RORB: variants seen among roughly 807,000 people sequenced by gnomAD.
RORB encodes the protein nuclear receptor ROR-beta.
Under a neutral mutation model 59.1 loss-of-function variants are expected in RORB, and 6 were observed. That is an observed-to-expected ratio of 0.10 (90% CI 0.06 to 0.20). The LOEUF (loss-of-function observed/expected upper bound fraction) is 0.20, where lower values mean the gene tolerates loss of function less well. Among genes scored for constraint, RORB ranks in the 10% least tolerant of loss-of-function variants. The pLI is 1.00. For synonymous variants in RORB, 215 were observed against 204.5 expected (o/e 1.05, Z -0.44); for missense variants, 320 against 560.5 (o/e 0.57, Z 4.33).
intron 9 of RORB, among the ~76,000 whole-genome samples, chr9:74,682,695 G>A (rs919398873): frequency 6.6e-5 from 10 of 152,240 alleles, no homozygotes; most frequent in Non-Finnish European, 1.0e-4. Flanking sequence ...TCTGCCTCCC[G>A]AAAAGCAGCT....
intron 1 of RORB, among the ~76,000 whole-genome samples, chr9:74,500,862 C>T (rs1317909893): frequency 6.6e-6 from 1 of 152,090 alleles, no homozygotes; most frequent in African/African-American, 2.4e-5. Context: ...TAGCCTGGGG[C>T]GGAGGAGGTT....
chr9:74,565,178 TC>T (rs1406274597), intron 1 of RORB, among the ~76,000 whole-genome samples: 1 of 152,226 alleles, frequency 6.6e-6, no homozygotes, highest in Non-Finnish European at 1.5e-5. Context: ...ATACCAGATA[TC>T]AGAATAACTC....
intron 1 of RORB, among the ~76,000 whole-genome samples, chr9:74,605,886 C>G (rs890489220): frequency 6.6e-6 from 1 of 152,104 alleles, no homozygotes; most frequent in Non-Finnish European, 1.5e-5. Flanking sequence ...AGATTGCTAT[C>G]ATGTTCATTC....
chr9:74,540,649 CT>C (rs543191007), intron 1 of RORB, among the ~76,000 whole-genome samples: 143 of 148,760 alleles, frequency 9.6e-4, no homozygotes, highest in African/African-American at 3.2e-3. Context: ...CTTTCTCATT[CT>C]TTTTTTTTTA....
intron 1 of RORB, among the ~76,000 whole-genome samples, chr9:74,547,050 C>T (rs1345095057): frequency 2.6e-5 from 4 of 152,170 alleles, no homozygotes; most frequent in African/African-American, 9.7e-5. Context: ...GCCGAGGTCA[C>T]ACCACCACAC....
intron 1 of RORB, among the ~76,000 whole-genome samples, chr9:74,532,204 G>GAAGT (rs1037101708): frequency 3.9e-5 from 6 of 151,990 alleles, no homozygotes; most frequent in Admixed American, 3.9e-4. Context: ...ATACATAAGG[G>GAAGT]AAGTGACTAA....
intron 1 of RORB, among the ~76,000 whole-genome samples, chr9:74,549,891 G>T (rs1826580360): frequency 6.6e-6 from 1 of 151,968 alleles, no homozygotes; most frequent in African/African-American, 2.4e-5. Context: ...ACTACGCCCG[G>T]CTAATCTTTT....
chr9:74,661,745 C>T (rs1010149262), intron 5 of RORB, among the ~76,000 whole-genome samples: 4 of 145,506 alleles, frequency 2.7e-5, no homozygotes, highest in South Asian at 2.2e-4. Context: ...CCCAGGTTCA[C>T]GCCATTCTCC....
intron 4 of RORB, among the ~76,000 whole-genome samples, chr9:74,654,397 GATT>G (rs1824047550): frequency 6.7e-6 from 1 of 149,874 alleles, no homozygotes; most frequent in Admixed American, 6.7e-5. Flanking sequence ...TAATTTCTAG[GATT>G]ATTTAGATAC....
intron 3 of RORB, among the ~76,000 whole-genome samples, chr9:74,641,357 C>T (rs1165048672): frequency 6.6e-6 from 1 of 152,182 alleles, no homozygotes; most frequent in African/African-American, 2.4e-5. Context: ...AGCACTTCTT[C>T]CTTCTTTTTC....
intron 1 of RORB, among the ~76,000 whole-genome samples, chr9:74,580,426 T>G (rs887443120): frequency 8.5e-5 from 13 of 152,130 alleles, no homozygotes; most frequent in African/African-American, 2.9e-4. Flanking sequence ...ATCTTGTTCC[T>G]TGATTGGGAT....
chr9:74,656,542 C>G (rs544530644), intron 4 of RORB, among the ~76,000 whole-genome samples: 1 of 152,248 alleles, frequency 6.6e-6, no homozygotes, highest in East Asian at 1.9e-4. Context: ...TCGAGAACAG[C>G]CTGGCCAACA....
At chr9:74,594,247 A>G (rs1822941123) in intron 1 of RORB, among the ~76,000 whole-genome samples, 1 of 152,216 alleles carries the variant, frequency 6.6e-6, no homozygotes, top group African/African-American at 2.4e-5. Flanking sequence ...CCTTTGCATT[A>G]TCTGCATCAG....
At chr9:74,501,497 G>T (rs1177040607) in intron 1 of RORB, among the ~76,000 whole-genome samples, 1 of 151,952 alleles carries the variant, frequency 6.6e-6, no homozygotes, top group Non-Finnish European at 1.5e-5. Flanking sequence ...AACATTGCTG[G>T]AAGGACATCT....
chr9:74,643,006 T>C (rs908605870), intron 4 of RORB, among the ~76,000 whole-genome samples, 191 bp downstream of exon 4: 6 of 152,322 alleles, frequency 3.9e-5, no homozygotes, highest in African/African-American at 1.2e-4. Context: ...TAAAAGTTTA[T>C]TTCAAGCAAA....
Position 74,688,048 on chromosome 9 carries a change from C to T in RORB, c.*2430C>T, listed in dbSNP as rs1204975216. The T allele has an allele frequency of 2.0e-5, 3 of 152,164 alleles. No homozygotes were observed. The highest frequency in any genetic ancestry group is 7.2e-5 in the African/African-American group (3 of 41,436). The allele number at this position is 152,164 out of a possible 1,614,324, so 9.4% of individuals were successfully genotyped here. A position where few individuals can be genotyped will look rare whatever the true frequency, so the allele number is the denominator to read the frequency against. Reference sequence around the variant, plus strand: ...AATTGGCTCAATTGATGAAGTGGCTCAGAATTTTTTCCTCCCTTTTCCCAT... The same window carrying T: ...AATTGGCTCAATTGATGAAGTGGCTTAGAATTTTTTCCTCCCTTTTCCCAT... On this transcript the variant is annotated 3_prime_UTR_variant, in exon 10 of 10. Coordinates refer to ENST00000376896, the MANE Select transcript of RORB (RefSeq NM_006914.4).
chr9:74,642,308 T>G lies in RORB; in HGVS notation c.236-106T>G, dbSNP rs1267702185. The G allele has an allele frequency of 1.2e-5, 13 of 1,099,406 alleles. No individual in the cohort carries two copies. In the Admixed American group the frequency reaches 2.9e-4, roughly 25 times the overall value. 68.1% of individuals were successfully genotyped at this position (1,099,406 alleles called of 1,614,324 possible). ...CTTAAGTTATGGTGCTAGACATTTGTGCATTTGAAGTTGAAGGGACAACCA... is the reference window on the plus strand; with the variant it reads ...CTTAAGTTATGGTGCTAGACATTTGGGCATTTGAAGTTGAAGGGACAACCA... On this transcript the variant is annotated intron_variant, in intron 3 of 9. Coordinates refer to ENST00000376896, the MANE Select transcript of RORB (RefSeq NM_006914.4).
chr9:74,498,624 C>T (rs961084387), intron 1 of RORB: 2 of 152,490 alleles, frequency 1.3e-5, no homozygotes, highest in Admixed American at 6.5e-5. Flanking sequence ...CTGGCCAGGT[C>T]CTCGTGCCCG....
chr9:74,525,061 A>C (rs952965106), intron 1 of RORB, among the ~76,000 whole-genome samples: 1 of 151,906 alleles, frequency 6.6e-6, no homozygotes, highest in Non-Finnish European at 1.5e-5. Flanking sequence ...AGTGATTTAC[A>C]TTCCTAATGC....
Sources: gnomAD v4.1 joint callset for allele counts (sites outside exome capture counted in the v4.1 genomes callset) on GRCh38, gnomAD v4.1.1 for gene constraint, MANE v1.5 for transcripts, NCBI Gene and HGNC (gene_info 2026-07-23, HGNC 2026-07-21) for gene names.